The following C1orf21 variants were observed in gnomAD, a reference collection of about 807,000 sequenced individuals.
The protein encoded by C1orf21 is chromosome 1 open reading frame 21.
C1orf21 carries 3 observed loss-of-function variants against 18.7 expected under a neutral mutation model. The observed-to-expected ratio is 0.16, with a 90% CI of 0.07 to 0.42. The LOEUF (loss-of-function observed/expected upper bound fraction) is 0.42, where lower values mean the gene tolerates loss of function less well. C1orf21 is among the 10% of genes least tolerant of loss of function. The pLI is 0.99. For missense variants in C1orf21, 104 were observed against 143.6 expected (o/e 0.72, Z 1.41); for synonymous variants, 41 against 46.4 (o/e 0.88, Z 0.47).
intron 2 of C1orf21, among the ~76,000 whole-genome samples, chr1:184,481,416 A>G (rs967504254): frequency 2.0e-5 from 3 of 152,106 alleles, no homozygotes; most frequent in Non-Finnish European, 2.9e-5. Flanking sequence ...TTGGACTTAG[A>G]GCTGGCACAC....
chr1:184,573,315 T>A (rs1659140693), intron 3 of C1orf21, among the ~76,000 whole-genome samples: 1 of 152,224 alleles, frequency 6.6e-6, no homozygotes, highest in South Asian at 2.1e-4. Context: ...CATACCATTC[T>A]GTTTTTAGTA....
At position 184,591,784 on chromosome 1, in the gene C1orf21, C is replaced by T. The variant is rs554130908; in HGVS notation, c.266+969C>T. ...TGGCGCCACTGCACTCCAGCCTGGG[C>T]GACAGAGCGAGACTCCATCTCAAGG... On this transcript the variant is annotated intron_variant, in intron 4 of 5. Coordinates refer to ENST00000235307, the MANE Select transcript of C1orf21 (RefSeq NM_030806.4). Among the ~76,000 whole-genome samples, 14 of 148,976 alleles carry T rather than the reference C, an allele frequency of 9.4e-5. 1 individual carries two copies. The highest frequency in any genetic ancestry group is 6.8e-4 in the Admixed American group (10 of 14,808).
intron 1 of C1orf21, among the ~76,000 whole-genome samples, chr1:184,447,685 T>G (rs1034717520): frequency 2.0e-5 from 3 of 152,306 alleles, no homozygotes; most frequent in Non-Finnish European, 4.4e-5. Flanking sequence ...TTTTCTGTCT[T>G]CTCGTTATTT....
At chr1:184,473,068 A>C (rs1036559279) in intron 1 of C1orf21, among the ~76,000 whole-genome samples, 1 of 152,240 alleles carries the variant, frequency 6.6e-6, no homozygotes, top group African/African-American at 2.4e-5. Flanking sequence ...AAGATAATGT[A>C]GACATACAAC....
intron 5 of C1orf21, among the ~76,000 whole-genome samples, chr1:184,614,252 T>C (rs1285012707): frequency 6.6e-6 from 1 of 152,230 alleles, no homozygotes; most frequent in Non-Finnish European, 1.5e-5. Flanking sequence ...CTAAACACTT[T>C]CATGTATATG....
In C1orf21 at chr1:184,623,888, G is replaced by A. The variant is rs567500949; in HGVS notation, c.*4332G>A. ...TCACAAGCTATGCCATGTTTTTCAG[G>A]AGACTCTTGTACCTTATCTGGAATC... On this transcript the variant is annotated 3_prime_UTR_variant, in exon 6 of 6. Transcript: ENST00000235307. 6.5e-6 allele frequency: 1 copy of A among 152,710 alleles called. No homozygotes were observed. The highest frequency in any genetic ancestry group is 2.4e-5 in the African/African-American group (1 of 41,560). 9.5% of individuals were successfully genotyped at this position (152,710 alleles called of 1,614,324 possible).
intron 3 of C1orf21, among the ~76,000 whole-genome samples, chr1:184,569,079 G>A (rs1298938353): frequency 6.6e-6 from 1 of 152,188 alleles, no homozygotes; most frequent in Admixed American, 6.5e-5. Context: ...CAAGGCATTG[G>A]GATAAGTCTC....
chr1:184,527,760 A>G (rs1658399392), intron 3 of C1orf21, among the ~76,000 whole-genome samples: 1 of 152,212 alleles, frequency 6.6e-6, no homozygotes, highest in Non-Finnish European at 1.5e-5. Flanking sequence ...TCTGAGCCCA[A>G]CTTTTCTGAG....
intron 3 of C1orf21, among the ~76,000 whole-genome samples, chr1:184,545,301 A>G (rs1469313517): frequency 6.6e-6 from 1 of 152,226 alleles, no homozygotes; most frequent in African/African-American, 2.4e-5. Flanking sequence ...AAAAATCTGT[A>G]TGTGCAGATA....
chr1:184,565,997 G>T (rs754202017), intron 3 of C1orf21, among the ~76,000 whole-genome samples: 1 of 152,176 alleles, frequency 6.6e-6, no homozygotes, highest in Non-Finnish European at 1.5e-5. Flanking sequence ...ATTAAAAGGG[G>T]AGGGGAAGCT....
intron 1 of C1orf21, among the ~76,000 whole-genome samples, chr1:184,455,373 G>C (rs1657182773): frequency 6.6e-6 from 1 of 152,164 alleles, no homozygotes; most frequent in African/African-American, 2.4e-5. Flanking sequence ...GATCTTCTTA[G>C]AATTGCAGAT....
intron 3 of C1orf21, among the ~76,000 whole-genome samples, chr1:184,586,932 T>A (rs1207723660): frequency 1.3e-5 from 2 of 152,220 alleles, no homozygotes; most frequent in African/African-American, 4.8e-5. Flanking sequence ...CATTTAAGCC[T>A]TTAATCCATC....
intron 3 of C1orf21, among the ~76,000 whole-genome samples, chr1:184,562,435 G>A (rs1658980875): frequency 6.6e-6 from 1 of 152,198 alleles, no homozygotes; most frequent in Admixed American, 6.5e-5. Context: ...CATCTGCACA[G>A]TTTATCAGTC....
intron 3 of C1orf21, among the ~76,000 whole-genome samples, chr1:184,574,309 T>G (rs1659155399): frequency 6.6e-6 from 1 of 152,220 alleles, no homozygotes; most frequent in Non-Finnish European, 1.5e-5. Context: ...TGATGTCAGA[T>G]GCATCTGGAA....
intron 3 of C1orf21, among the ~76,000 whole-genome samples, chr1:184,543,551 G>A (rs1033812514): frequency 1.3e-5 from 2 of 152,020 alleles, no homozygotes; most frequent in Non-Finnish European, 2.9e-5. Context: ...TTGGCCCTTG[G>A]TATCTGGGAA....
At chr1:184,612,168 G>A (rs937537628) in intron 5 of C1orf21, among the ~76,000 whole-genome samples, 8 of 152,154 alleles carry the variant, frequency 5.3e-5, no homozygotes, top group Non-Finnish European at 1.0e-4. Context: ...GTAAAGGAGC[G>A]GAGGAAAAAT....
chr1:184,596,149 C>T (rs998043421), intron 4 of C1orf21, among the ~76,000 whole-genome samples: 3 of 152,164 alleles, frequency 2.0e-5, no homozygotes, highest in Non-Finnish European at 2.9e-5. Context: ...TTGTCCCTCT[C>T]ATGTGCATGT....
chr1:184,429,488 A>G (rs1656697038), intron 1 of C1orf21, among the ~76,000 whole-genome samples: 1 of 152,202 alleles, frequency 6.6e-6, no homozygotes, highest in Admixed American at 6.5e-5. Flanking sequence ...AAGCAGGCAG[A>G]CAGTTTTTGT....
At position 184,478,226 on chromosome 1, in the gene C1orf21, G is replaced by GT. The variant is rs967189405; in HGVS notation, c.94+632dup. Among the ~76,000 whole-genome samples the GT allele has an allele frequency of 9.9e-5, 15 of 151,136 alleles. 1 individual carries two copies. The highest frequency in any genetic ancestry group is 5.9e-4 in the Admixed American group (9 of 15,144). On this transcript the variant is annotated intron_variant, in intron 2 of 5. Transcript: ENST00000235307. ...GGATTTATAAATGAGGGAGTGAGGT[G>GT]TTTTTTTTTAAAGTGTAATAGAGAG...
Sources: allele counts gnomAD v4.1 joint callset (sites outside exome capture counted in the v4.1 genomes callset), GRCh38; gene constraint gnomAD v4.1.1; transcripts MANE v1.5; gene names NCBI Gene and HGNC (gene_info 2026-07-23, HGNC 2026-07-21).